ATP10B: variants seen among roughly 807,000 people sequenced by gnomAD.
ATP10B encodes the protein phospholipid-transporting ATPase VB.
A neutral mutation model predicts 141.2 loss-of-function variants in ATP10B; 122 were observed. The ratio of observed to expected loss-of-function variants is 0.86; its 90% CI spans 0.75 to 1.00. The LOEUF is 1.00. Among genes scored for constraint, ATP10B ranks in the 50% least tolerant of loss-of-function variants. The pLI is 0.00. For synonymous variants in ATP10B, 685 were observed against 692.0 expected, an observed-to-expected ratio of 0.99 and a Z score of 0.16; for missense variants, 1,876 against 1,825.3, an observed-to-expected ratio of 1.03 and a Z score of -0.51.
In ATP10B at chr5:160,812,020, C is replaced by CAGAG. The variant is rs34793101; in HGVS notation, c.-575-26221_-575-26218dup. 2.4e-3 allele frequency among the ~76,000 whole-genome samples: 273 copies of CAGAG among 111,492 alleles called. 2 individuals are homozygous for CAGAG. The highest frequency in any genetic ancestry group is 5.4e-3 in the African/African-American group (185 of 34,500). The allele number at this position is 111,492 out of a possible 152,430, so 73.1% of individuals were successfully genotyped here. ...AGAGAGACAGAGACAGAGACAGAGA[C>CAGAG]AGAGAGAGAGAGAGAGAGAGAGAGA... is the stretch of plus-strand genomic sequence containing the variant. On this transcript the variant is annotated intron_variant, in intron 1 of 25. Transcript: ENST00000327245.
intron 1 of ATP10B, among the ~76,000 whole-genome samples, chr5:160,805,461 C>T (rs753218745): frequency 3.9e-5 from 6 of 152,180 alleles, no homozygotes; most frequent in Non-Finnish European, 8.8e-5. Context: ...GCTGTCTGCT[C>T]ATTTTAGAAA....
intron 2 of ATP10B, among the ~76,000 whole-genome samples, chr5:160,747,796 G>A (rs965139799): frequency 4.6e-5 from 7 of 152,104 alleles, no homozygotes; most frequent in African/African-American, 7.2e-5. Flanking sequence ...AATACACAGC[G>A]CTGTCATAGC....
the ATP10B span, among the ~76,000 whole-genome samples, chr5:160,909,816 G>A: frequency 1.3e-5 from 2 of 152,266 alleles, no homozygotes; most frequent in South Asian, 4.1e-4. Context: ...CAACTGCAGA[G>A]AGTGCAGGGC....
chr5:160,715,728 T>TTTATTTA (rs1365507161), intron 3 of ATP10B, among the ~76,000 whole-genome samples: 9 of 15,504 alleles, frequency 5.8e-4, no homozygotes, highest in Non-Finnish European at 1.7e-3. Flanking sequence ...TTATTTATTT[T>TTTATTTA]TGAGACAGTG....
the ATP10B span, among the ~76,000 whole-genome samples, chr5:160,881,772 C>T: frequency 6.6e-6 from 1 of 152,026 alleles, no homozygotes; most frequent in African/African-American, 2.4e-5. Flanking sequence ...GATGGCGCCA[C>T]TGCACTCCAG....
chr5:160,740,174 C>A (rs1221882666), intron 2 of ATP10B, among the ~76,000 whole-genome samples: 1 of 152,132 alleles, frequency 6.6e-6, no homozygotes, highest in Non-Finnish European at 1.5e-5. Flanking sequence ...CAGAGGCAAT[C>A]CAGTTTTAAC....
At chr5:160,792,317 G>C (rs1031084484) in intron 1 of ATP10B, among the ~76,000 whole-genome samples, 8 of 152,112 alleles carry the variant, frequency 5.3e-5, no homozygotes, top group African/African-American at 9.7e-5. Flanking sequence ...ATGTGATCTT[G>C]TTCCCCAGTA....
At chr5:160,812,788 A>G (rs1773266860) in intron 1 of ATP10B, among the ~76,000 whole-genome samples, 1 of 152,204 alleles carries the variant, frequency 6.6e-6, no homozygotes. Context: ...GGCAAATCTA[A>G]AAGTTATATT....
chr5:160,921,607 C>T, the ATP10B span, among the ~76,000 whole-genome samples: 10 of 152,200 alleles, frequency 6.6e-5, no homozygotes, highest in African/African-American at 2.4e-4. Context: ...ATTTTATAGT[C>T]ACTCTCTGTT....
At chr5:160,763,232 C>T (rs189730381) in intron 2 of ATP10B, among the ~76,000 whole-genome samples, 89 of 152,224 alleles carry the variant, frequency 5.8e-4, no homozygotes, top group Middle Eastern at 3.4e-3. Flanking sequence ...TATTTAAGAA[C>T]ATTCTACCCA....
At chr5:160,582,169 T>A (rs976708471) in intron 24 of ATP10B, among the ~76,000 whole-genome samples, 53 of 152,218 alleles carry the variant, frequency 3.5e-4, no homozygotes, top group African/African-American at 1.2e-3. Flanking sequence ...AATATTGTTA[T>A]GTGTGAATTT....
At chr5:160,857,585 T>C in the ATP10B span, among the ~76,000 whole-genome samples, 2 of 151,792 alleles carry the variant, frequency 1.3e-5, no homozygotes, top group Non-Finnish European at 2.9e-5. Flanking sequence ...TTTTCTATAT[T>C]TCTGAGATGG....
intron 21 of ATP10B, among the ~76,000 whole-genome samples, chr5:160,599,799 C>T (rs910371571): frequency 2.6e-5 from 4 of 152,122 alleles, no homozygotes; most frequent in South Asian, 2.1e-4. Context: ...TACCATATTG[C>T]GATATGGTTT....
At chr5:160,920,865 T>C in the ATP10B span, among the ~76,000 whole-genome samples, 1 of 152,324 alleles carries the variant, frequency 6.6e-6, no homozygotes, top group African/African-American at 2.4e-5. Context: ...GGGGCCTCAC[T>C]TTGAGCAGTT....
chr5:160,599,246 G>T (rs115954931), intron 21 of ATP10B, among the ~76,000 whole-genome samples: 2 of 152,142 alleles, frequency 1.3e-5, no homozygotes, highest in African/African-American at 2.4e-5. Flanking sequence ...ATTGCCAATA[G>T]GTTCTTAGAA....
At chr5:160,904,993 A>G in the ATP10B span, among the ~76,000 whole-genome samples, 2 of 152,258 alleles carry the variant, frequency 1.3e-5, no homozygotes, top group Non-Finnish European at 2.9e-5. Context: ...AGGCTATTCA[A>G]TGAGTGAGAA....
At chr5:160,642,389 T>C (rs991731478) in intron 9 of ATP10B, among the ~76,000 whole-genome samples, 6 of 152,226 alleles carry the variant, frequency 3.9e-5, no homozygotes, top group Non-Finnish European at 7.3e-5. Context: ...TTTTGGGCCT[T>C]TGACTCTGAG....
Position 160,620,863 on chromosome 5 carries a change from T to G in ATP10B, c.1900A>C (p.Ser634Arg), listed in dbSNP as rs1030873423. The G allele has an allele frequency of 5.0e-6, 8 of 1,614,222 alleles. No homozygotes were observed. Among genetic ancestry groups the G allele is most frequent in the Middle Eastern group, 1.6e-4 (1 of 6,062 alleles). The stretch of plus-strand genomic sequence containing the variant: ...GGTGCAGTGGATGAGAATGACTGGC[T>G]GAGGCTCAATAGCTTCAACTTCTGG... ...LFQKLKLLSL[S>R]QSFSSTAPSD... Residue 634 changes from serine (S) to arginine (R), a missense_variant, in exon 15 of 26, where the codon AGC (serine) becomes CGC (arginine). Transcript: ENST00000327245.
intron 3 of ATP10B, among the ~76,000 whole-genome samples, chr5:160,701,123 C>T (rs1764644557): frequency 6.6e-6 from 1 of 152,032 alleles, no homozygotes; most frequent in African/African-American, 2.4e-5. Flanking sequence ...GCCAGTTTTG[C>T]CCCCTCTAGT....
Sources: allele counts gnomAD v4.1 joint callset (sites outside exome capture counted in the v4.1 genomes callset), GRCh38; gene constraint gnomAD v4.1.1; transcripts MANE v1.5; gene names NCBI Gene and HGNC (gene_info 2026-07-23, HGNC 2026-07-21).